Variants in TBCEL observed in about 807,000 individuals in gnomAD.
The protein encoded by TBCEL is tubulin-specific chaperone cofactor E-like protein.
In TBCEL, 15 loss-of-function variants were observed where a neutral mutation model predicts 44.2. The ratio of observed to expected loss-of-function variants is 0.34; its 90% CI spans 0.23 to 0.52. TBCEL has a LOEUF of 0.52. Among genes scored for constraint, TBCEL ranks in the 20% least tolerant of loss-of-function variants. TBCEL has a pLI of 0.95. For synonymous variants in TBCEL, 171 were observed against 185.4 expected (o/e 0.92, Z 0.63); for missense variants, 319 against 506.3 (o/e 0.63, Z 3.55).
At chr11:121,044,201 G>C (rs141815874) in intron 2 of TBCEL, among the ~76,000 whole-genome samples, 6 of 152,210 alleles carry the variant, frequency 3.9e-5, no homozygotes, top group Non-Finnish European at 8.8e-5. Context: ...TATTTTTGCA[G>C]TATCTTCCTA....
intron 6 of TBCEL, among the ~76,000 whole-genome samples, chr11:121,056,245 A>G (rs2134951870): frequency 6.6e-6 from 1 of 152,002 alleles, no homozygotes; most frequent in Admixed American, 6.6e-5. Flanking sequence ...TAGCCTTCTC[A>G]GATTAGCTTC....
chr11:121,062,597 A>G (rs1945744907), intron 8 of TBCEL, among the ~76,000 whole-genome samples: 1 of 152,092 alleles, frequency 6.6e-6, no homozygotes, highest in South Asian at 2.1e-4. Context: ...TGTACAGTGA[A>G]TTGTTTTCTG....
chr11:121,026,547 C>G (rs770319361), intron 1 of TBCEL, among the ~76,000 whole-genome samples: 1 of 152,148 alleles, frequency 6.6e-6, no homozygotes, highest in African/African-American at 2.4e-5. Context: ...ACACGGTCAT[C>G]AGGACAGAAG....
intron 8 of TBCEL, among the ~76,000 whole-genome samples, chr11:121,072,324 T>G (rs1200579360): frequency 1.3e-5 from 2 of 152,220 alleles, no homozygotes; most frequent in African/African-American, 4.8e-5. Flanking sequence ...GGGGCCAGTT[T>G]TATCTTTTTC....
chr11:121,061,865 C>T (rs1428248957), intron 8 of TBCEL, among the ~76,000 whole-genome samples: 5 of 152,028 alleles, frequency 3.3e-5, no homozygotes, highest in African/African-American at 1.2e-4. Flanking sequence ...GGCTGTACTA[C>T]ATTTATACAA....
chr11:121,056,888 T>C (rs1171557542), intron 6 of TBCEL, among the ~76,000 whole-genome samples: 1 of 151,994 alleles, frequency 6.6e-6, no homozygotes, highest in East Asian at 1.9e-4. Flanking sequence ...CAGTTCTTTA[T>C]GAGATATGTC....
intron 8 of TBCEL, among the ~76,000 whole-genome samples, chr11:121,072,799 C>T (rs904001559): frequency 1.8e-4 from 27 of 152,046 alleles, no homozygotes; most frequent in African/African-American, 5.8e-4. Flanking sequence ...CCCCAAAGTT[C>T]ACGTAAGTTC....
intron 8 of TBCEL, among the ~76,000 whole-genome samples, chr11:121,063,652 T>C (rs1367403863): frequency 6.6e-6 from 1 of 152,212 alleles, no homozygotes; most frequent in African/African-American, 2.4e-5. Flanking sequence ...CATATAAATA[T>C]GGACTGATGC....
chr11:121,070,544 T>A (rs187216866), intron 8 of TBCEL, among the ~76,000 whole-genome samples: 2 of 152,298 alleles, frequency 1.3e-5, no homozygotes, highest in East Asian at 3.9e-4. Context: ...TGAGTTCATG[T>A]CCTTTGTAGG....
rs140041201 is a variant in TBCEL, at chr11:121,086,952, A to G, written c.1131A>G (p.Gln377=). 419 of 1,613,974 alleles carry G rather than the reference A, an allele frequency of 2.6e-4. No homozygotes were observed. Among genetic ancestry groups the G allele is most frequent in the Non-Finnish European group, 3.4e-4 (402 of 1,180,014 alleles). The change falls in exon 9 of 9, where the codon CAA becomes CAG. Residue 377 remains glutamine, a synonymous_variant. Coordinates refer to ENST00000683345, the MANE Select transcript of TBCEL (RefSeq NM_001363644.2). The part of the protein sequence containing the change: ...ELKKQLKTLV[Q]LPTSNMLLYY... ...AGAAACAGTTAAAAACTCTAGTACA[A>G]TTACCCACAAGCAACATGCTTCTCT...
chr11:121,086,732 A>G (rs1338729451), intron 8 of TBCEL, 46 bp from the exon 9 acceptor site: 1 of 1,427,246 alleles, frequency 7.0e-7, no homozygotes, highest in Non-Finnish European at 9.7e-7. Context: ...TCCACAGTAC[A>G]TGTGCTAGTA....
intron 8 of TBCEL, among the ~76,000 whole-genome samples, chr11:121,060,792 C>T (rs1945708609): frequency 6.6e-6 from 1 of 151,902 alleles, no homozygotes; most frequent in Admixed American, 6.6e-5. Flanking sequence ...ATGTGCTTTT[C>T]TTCCTTAATG....
intron 4 of TBCEL, among the ~76,000 whole-genome samples, chr11:121,052,471 C>T (rs946324309): frequency 6.6e-6 from 1 of 151,702 alleles, no homozygotes; most frequent in East Asian, 1.9e-4. Flanking sequence ...GTTGGAACCT[C>T]GTTTGAACCC....
intron 1 of TBCEL, among the ~76,000 whole-genome samples, chr11:121,031,979 A>T: frequency 6.6e-6 from 1 of 152,008 alleles, no homozygotes; most frequent in Non-Finnish European, 1.5e-5. Flanking sequence ...TGGCTGCTTA[A>T]CTTTATTTTT....
intron 1 of TBCEL, among the ~76,000 whole-genome samples, chr11:121,034,895 G>A (rs183732026): frequency 2.9e-4 from 44 of 152,274 alleles, no homozygotes; most frequent in South Asian, 2.3e-3. Flanking sequence ...ATATTGAGTA[G>A]TGTGTTGAAG....
At chr11:121,026,605 C>T (rs1945050789) in intron 1 of TBCEL, among the ~76,000 whole-genome samples, 1 of 152,182 alleles carries the variant, frequency 6.6e-6, no homozygotes, top group Non-Finnish European at 1.5e-5. Context: ...TGATCAAATG[C>T]TTTACGAAAA....
At chr11:121,086,755 A>G (rs1192316405) in intron 8 of TBCEL, 23 bp from the exon 9 acceptor site, 4 of 1,575,024 alleles carry the variant, frequency 2.5e-6, no homozygotes, top group Non-Finnish European at 3.5e-6. Context: ...TTAAGCTGAC[A>G]GTGTTGTTTT....
chr11:121,041,491 A>G (rs964011765), intron 2 of TBCEL, among the ~76,000 whole-genome samples: 3 of 152,170 alleles, frequency 2.0e-5, no homozygotes, highest in Non-Finnish European at 4.4e-5. Context: ...CAATATCACC[A>G]AAGATCCCTG....
At chr11:121,038,220 T>C (rs921289634) in intron 2 of TBCEL, among the ~76,000 whole-genome samples, 2 of 152,160 alleles carry the variant, frequency 1.3e-5, no homozygotes, top group African/African-American at 4.8e-5. Flanking sequence ...TGCCTCAGCC[T>C]CCCAAAGTTC....
Sources: gnomAD v4.1 joint callset for allele counts (sites outside exome capture counted in the v4.1 genomes callset) on GRCh38, gnomAD v4.1.1 for gene constraint, MANE v1.5 for transcripts, NCBI Gene and HGNC (gene_info 2026-07-23, HGNC 2026-07-21) for gene names.